Variants in ZFP64 observed in about 807,000 individuals in gnomAD.
ZFP64 encodes the protein zinc finger protein 64.
ZFP64 carries 14 observed loss-of-function variants against 51.6 expected under a neutral mutation model. The ratio of observed to expected loss-of-function variants is 0.27; its 90% CI spans 0.18 to 0.42. The LOEUF (loss-of-function observed/expected upper bound fraction) is 0.42. Among genes scored for constraint, ZFP64 ranks in the 10% least tolerant of loss-of-function variants. The probability of loss-of-function intolerance (pLI) is 1.00; values close to 1 mark genes in which losing one functional copy is unlikely to be tolerated. For missense variants in ZFP64, 754 were observed against 906.8 expected, an observed-to-expected ratio of 0.83 and a Z score of 2.16; for synonymous variants, 375 against 361.4, an observed-to-expected ratio of 1.04 and a Z score of -0.43.
chr20:52,160,220 C>T lies in ZFP64; in HGVS notation c.666G>A (p.Leu222=). ...AGGGCCGCTCGTCCGAGTGGATCCT[C>T]AGGTGCTTGTTGAGGCTGCTGCTGT... ...AADSSSLNKH[L]RIHSDERPFK... Residue 222 remains leucine (L), a synonymous_variant, in exon 5 of 6, where the codon CTG becomes CTA. Coordinates refer to ENST00000216923, the MANE Select transcript of ZFP64 (RefSeq NM_018197.3). This position sits in a 1 kb window ranked among gnomAD's most constrained non-coding sequence, Gnocchi z 4.2. The T allele has an allele frequency of 1.2e-6, 2 of 1,614,186 alleles. No homozygotes were observed. The highest frequency in any genetic ancestry group is 1.7e-6 in the Non-Finnish European group (2 of 1,180,038).
chr20:52,161,954 G>A (rs6013408), intron 4 of ZFP64, among the ~76,000 whole-genome samples: 38 of 152,236 alleles, frequency 2.5e-4, no homozygotes, highest in African/African-American at 4.1e-4. Flanking sequence ...GATCACTGTC[G>A]TCATAAATAA....
intron 2 of ZFP64, 87 bp downstream of exon 2, chr20:52,186,745 G>C: frequency 6.6e-7 from 1 of 1,506,044 alleles, no homozygotes; most frequent in Non-Finnish European, 8.9e-7. Context: ...GTGGGCTCTG[G>C]GAATCTATAT....
chr20:52,109,780 CAA>C (rs779914417), intron 5 of ZFP64, among the ~76,000 whole-genome samples: 196 of 46,112 alleles, frequency 4.3e-3, no homozygotes, highest in Non-Finnish European at 6.8e-3. Context: ...AATTCCACCT[CAA>C]AAAAAAAAAA....
chr20:52,167,079 G>A lies in ZFP64; in HGVS notation c.287-1054C>T, dbSNP rs79528567. Among the ~76,000 whole-genome samples, 651 of 152,122 alleles carry A rather than the reference G, an allele frequency of 4.3e-3. 4 individuals carry two copies. The highest frequency in any genetic ancestry group is 7.4e-3 in the Non-Finnish European group (504 of 67,972). On this transcript the variant is annotated intron_variant, in intron 2 of 5. Transcript: ENST00000216923. Reference sequence around the variant, plus strand: ...GTGGCTCACAGCTGTAATCCTAGCAGTTTGGGAGGCTGAGGCAGGTGGATC... The same window carrying A: ...GTGGCTCACAGCTGTAATCCTAGCAATTTGGGAGGCTGAGGCAGGTGGATC...
At chr20:52,162,191 G>A (rs990227907) in intron 4 of ZFP64, among the ~76,000 whole-genome samples, 4 of 152,096 alleles carry the variant, frequency 2.6e-5, no homozygotes, top group Middle Eastern at 3.2e-3. Flanking sequence ...CCTGCTACTC[G>A]GGAGGCTGAG....
At chr20:52,189,279 C>T (rs1180894791) in intron 1 of ZFP64, among the ~76,000 whole-genome samples, 1 of 151,540 alleles carries the variant, frequency 6.6e-6, no homozygotes, top group Non-Finnish European at 1.5e-5. Flanking sequence ...GCCAGTAATC[C>T]CAGCTACTCA....
At chr20:52,171,921 T>C (rs983142088) in intron 2 of ZFP64, among the ~76,000 whole-genome samples, 2 of 152,042 alleles carry the variant, frequency 1.3e-5, no homozygotes, top group Non-Finnish European at 2.9e-5. Flanking sequence ...CTAGTTTTTG[T>C]ATTTTTAGTA....
chr20:52,110,729 C>T (rs1978515712), intron 5 of ZFP64: 3 of 1,593,086 alleles, frequency 1.9e-6, no homozygotes, highest in Admixed American at 1.7e-5. Context: ...ACCTTAACTG[C>T]CCCAGTACAT....
chr20:52,152,425 C>A lies in ZFP64; in HGVS notation c.1767G>T (p.Thr589=). ...GATLHQTLIP[T]ASGGPQEGSG... is the part of the protein sequence containing the mutation. ...AGCCTTCCTGGGGGCCACCTGAGGC[C>A]GTGGGGATGAGAGTCTGGTGCAGAG... Residue 589 remains threonine, a synonymous_variant, in exon 6 of 6, where the codon ACG becomes ACT. Transcript: ENST00000216923. The A allele has an allele frequency of 1.9e-6, 3 of 1,614,116 alleles. No homozygotes were observed. Among genetic ancestry groups the A allele is most frequent in the Non-Finnish European group, 2.5e-6 (3 of 1,180,026 alleles).
At chr20:52,172,192 T>G (rs1430312012) in intron 2 of ZFP64, among the ~76,000 whole-genome samples, 1 of 151,554 alleles carries the variant, frequency 6.6e-6, no homozygotes, top group African/African-American at 2.4e-5. Flanking sequence ...CAGGGGTGTG[T>G]GTGTGTGTGT....
At chr20:52,142,267 C>G (rs1980292231) in intron 5 of ZFP64, among the ~76,000 whole-genome samples, 1 of 151,906 alleles carries the variant, frequency 6.6e-6, no homozygotes, top group Non-Finnish European at 1.5e-5. Context: ...ACATGGAAGA[C>G]TGAAGCAGGA....
At position 52,191,555 on chromosome 20, in the gene ZFP64, C is replaced by A; in HGVS notation, c.46+36G>T. 1 of 1,542,312 alleles carries A rather than the reference C, an allele frequency of 6.5e-7. No homozygotes were observed. Among genetic ancestry groups the A allele is most frequent in the Non-Finnish European group, 8.7e-7 (1 of 1,149,492 alleles). ...CCCGGGCCCCGGAGCGCGCACTGGG[C>A]CCCGGAGCGCGCACTGCTCCCGGAA... On this transcript the variant is annotated intron_variant, in intron 1 of 5. Coordinates refer to ENST00000216923, the MANE Select transcript of ZFP64 (RefSeq NM_018197.3). This position sits in a 1 kb window ranked among gnomAD's most constrained non-coding sequence, Gnocchi z 4.3.
intron 5 of ZFP64, among the ~76,000 whole-genome samples, chr20:52,107,933 G>A (rs954536107): frequency 1.6e-4 from 25 of 152,236 alleles, no homozygotes; most frequent in East Asian, 1.9e-4. Flanking sequence ...CAAGGTATAA[G>A]AAATAACGTA....
At chr20:52,118,295 G>C (rs1376550250) in intron 5 of ZFP64, among the ~76,000 whole-genome samples, 1 of 151,834 alleles carries the variant, frequency 6.6e-6, no homozygotes, top group Non-Finnish European at 1.5e-5. Flanking sequence ...CAACAACATG[G>C]ATCCAAGTCT....
intron 2 of ZFP64, chr20:52,176,072 G>C: frequency 5.8e-6 from 3 of 513,928 alleles, no homozygotes; most frequent in Non-Finnish European, 7.5e-6. Flanking sequence ...GAAGACACCT[G>C]ACAGCAACTG....
chr20:52,093,779 C>A (rs1315498711), intron 7 of ZFP64, among the ~76,000 whole-genome samples: 1 of 152,164 alleles, frequency 6.6e-6, no homozygotes, highest in African/African-American at 2.4e-5. Flanking sequence ...GGCTTGGGAG[C>A]ATCTCATTAA....
At chr20:52,084,976 C>T (rs367740838) in exon 9 of ZFP64, 3 of 1,613,860 alleles carry the variant, frequency 1.9e-6, no homozygotes, top group African/African-American at 2.7e-5. Context: ...AGGGCGGCCG[C>T]GCTGGAGCAG....
At chr20:52,154,285 C>T (rs917237347) in intron 5 of ZFP64, among the ~76,000 whole-genome samples, 2 of 152,102 alleles carry the variant, frequency 1.3e-5, no homozygotes, top group African/African-American at 2.4e-5. Context: ...AGCATGGTCT[C>T]GCTTGATGCT....
rs1033367451 is a variant in ZFP64, at chr20:52,165,505, T to A, written c.448+359A>T. 14 of 476,838 alleles carry A rather than the reference T, an allele frequency of 2.9e-5. No homozygotes were observed. In the Admixed American group the frequency reaches 3.0e-4, roughly 10 times the overall value. 29.5% of individuals were successfully genotyped at this position (476,838 alleles called of 1,614,324 possible). On this transcript the variant is annotated intron_variant, in intron 3 of 5. Transcript: ENST00000216923. Reference sequence around the variant, plus strand: ...ATTTTTTTGGTACAATTTTTGCAACTTTTCTGTACATCTGAAATTATTTCT... The same window carrying A: ...ATTTTTTTGGTACAATTTTTGCAACATTTCTGTACATCTGAAATTATTTCT...
Sources: gnomAD v4.1 joint callset for allele counts (sites outside exome capture counted in the v4.1 genomes callset) on GRCh38, gnomAD v4.1.1 for gene constraint, Gnocchi (gnomAD v3.1) non-coding constraint, MANE v1.5 for transcripts, NCBI Gene and HGNC (gene_info 2026-07-23, HGNC 2026-07-21) for gene names.